FLACC1: variants seen among roughly 807,000 people sequenced by gnomAD.
FLACC1 encodes the protein flagellum-associated coiled-coil domain-containing protein 1.
A neutral mutation model predicts 62.8 loss-of-function variants in FLACC1; 66 were observed. That is an observed-to-expected ratio of 1.05 (90% CI 0.86 to 1.29). The LOEUF (loss-of-function observed/expected upper bound fraction) is 1.29. Among genes scored for constraint, FLACC1 ranks in the 50% most tolerant of loss-of-function variants. The probability of loss-of-function intolerance (pLI) is 0.00; values close to 1 mark genes in which losing one functional copy is unlikely to be tolerated. For synonymous variants in FLACC1, 156 were observed against 161.0 expected, an observed-to-expected ratio of 0.97 and a Z score of 0.24; for missense variants, 452 against 489.1, an observed-to-expected ratio of 0.92 and a Z score of 0.71.
intron 8 of FLACC1, 41 bp from the exon 9 acceptor site, chr2:201,330,563 G>T: frequency 6.3e-7 from 1 of 1,597,104 alleles, no homozygotes; most frequent in South Asian, 1.1e-5. Flanking sequence ...TTAGTCTTCT[G>T]ATATGCACAT....
chr2:201,293,390 A>C lies in FLACC1; in HGVS notation c.943-3605T>G, dbSNP rs539072324. On this transcript the variant is annotated intron_variant, in intron 12 of 14. Transcript: ENST00000392257. ...AACTCACTCAAAACCACACAACTAC[A>C]TGGAAACTGAACAACCTGCTCCTGA... Among the ~76,000 whole-genome samples, 49 of 152,368 alleles carry C rather than the reference A, an allele frequency of 3.2e-4. 2 individuals are homozygous for C. In the South Asian group the frequency reaches 0.01, roughly 32 times the overall value.
chr2:201,344,084 T>G, intron 6 of FLACC1, 86 bp downstream of exon 6: 1 of 1,216,950 alleles, frequency 8.2e-7, no homozygotes, highest in Non-Finnish European at 1.2e-6. Flanking sequence ...AGTAAAGTGC[T>G]TGGCATTTTG....
chr2:201,345,674 T>C (rs1426646631), intron 5 of FLACC1, among the ~76,000 whole-genome samples: 1 of 151,962 alleles, frequency 6.6e-6, no homozygotes, highest in Non-Finnish European at 1.5e-5. Flanking sequence ...AAGGGTAGAA[T>C]GAAAAGATGT....
At chr2:201,290,172 G>C (rs1452968697) in intron 12 of FLACC1, among the ~76,000 whole-genome samples, 1 of 152,182 alleles carries the variant, frequency 6.6e-6, no homozygotes, top group Non-Finnish European at 1.5e-5. Flanking sequence ...CACTTTTAGA[G>C]CAGTGAAACT....
intron 9 of FLACC1, among the ~76,000 whole-genome samples, chr2:201,327,968 C>A (rs922063606): frequency 3.9e-5 from 6 of 152,144 alleles, no homozygotes; most frequent in African/African-American, 1.4e-4. Context: ...CCATAGACTG[C>A]TACTCAGTCA....
intron 11 of FLACC1, among the ~76,000 whole-genome samples, chr2:201,306,230 A>G (rs932855225): frequency 1.4e-4 from 21 of 152,138 alleles, no homozygotes; most frequent in African/African-American, 4.1e-4. Flanking sequence ...AGCTGGAACA[A>G]AAGAAAGAGA....
intron 7 of FLACC1, among the ~76,000 whole-genome samples, chr2:201,331,629 C>G (rs1301927055): frequency 6.6e-6 from 1 of 152,096 alleles, no homozygotes; most frequent in African/African-American, 2.4e-5. Context: ...GGTATGATTC[C>G]AACTATATGA....
intron 12 of FLACC1, among the ~76,000 whole-genome samples, chr2:201,291,915 A>G (rs1410671726): frequency 6.6e-6 from 1 of 152,254 alleles, no homozygotes; most frequent in Non-Finnish European, 1.5e-5. Flanking sequence ...CAACTGGAAG[A>G]AAGGGTATCA....
intron 1 of FLACC1, among the ~76,000 whole-genome samples, chr2:201,352,521 G>A (rs550201499): frequency 6.6e-5 from 10 of 152,168 alleles, no homozygotes; most frequent in Non-Finnish European, 1.5e-4. Flanking sequence ...GATTGCACAA[G>A]GGATGTCCGT....
intron 12 of FLACC1, 136 bp downstream of exon 12, chr2:201,299,102 G>A: frequency 1.2e-6 from 1 of 808,966 alleles, no homozygotes; most frequent in South Asian, 1.9e-5. Context: ...ATTGAATCCA[G>A]TAAACTCAGC....
At position 201,292,134 on chromosome 2, in the gene FLACC1, G is replaced by A. The variant is rs145586960; in HGVS notation, c.943-2349C>T. Among the ~76,000 whole-genome samples the A allele has an allele frequency of 2.1e-3, 322 of 152,278 alleles. 1 individual carries two copies. Among genetic ancestry groups the A allele is most frequent in the African/African-American group, 7.3e-3 (303 of 41,572 alleles). On this transcript the variant is annotated intron_variant, in intron 12 of 14. Coordinates refer to ENST00000392257, the MANE Select transcript of FLACC1 (RefSeq NM_001127391.3). ...ATTATCCAGGAGAACTTCCCCAACC[G>A]AGCAAGGCAGGCCAACAATCAGATT...
At chr2:201,293,109 T>G (rs188512076) in intron 12 of FLACC1, among the ~76,000 whole-genome samples, 2 of 152,206 alleles carry the variant, frequency 1.3e-5, no homozygotes, top group Non-Finnish European at 2.9e-5. Context: ...ATTAGACAGC[T>G]CCACGAGACA....
chr2:201,312,608 GC>G (rs1165614056), intron 9 of FLACC1, among the ~76,000 whole-genome samples: 4 of 152,108 alleles, frequency 2.6e-5, no homozygotes, highest in African/African-American at 9.7e-5. Flanking sequence ...AGTCTAAATA[GC>G]CAAAGCAATC....
intron 1 of FLACC1, among the ~76,000 whole-genome samples, chr2:201,356,430 G>A (rs969113128): frequency 6.6e-6 from 1 of 152,164 alleles, no homozygotes; most frequent in African/African-American, 2.4e-5. Context: ...AAAGTGCTGG[G>A]ATTACAGGTG....
At chr2:201,353,944 T>C (rs1350440305) in intron 1 of FLACC1, among the ~76,000 whole-genome samples, 3 of 152,190 alleles carry the variant, frequency 2.0e-5, no homozygotes, top group African/African-American at 7.2e-5. Flanking sequence ...GCCAAAAATG[T>C]TATAAGAATC....
At chr2:201,303,150 T>C (rs1326202318) in intron 11 of FLACC1, among the ~76,000 whole-genome samples, 1 of 151,868 alleles carries the variant, frequency 6.6e-6, no homozygotes, top group Non-Finnish European at 1.5e-5. Context: ...AGCTGGTTTT[T>C]TGAAAAGATC....
At chr2:201,330,275 T>G (rs1157938445) in intron 9 of FLACC1, among the ~76,000 whole-genome samples, 195 bp downstream of exon 9, 2 of 152,136 alleles carry the variant, frequency 1.3e-5, no homozygotes, top group Non-Finnish European at 2.9e-5. Context: ...TCTTCAGGAT[T>G]TGGGTGCCTG....
chr2:201,303,022 T>C (rs1387383965), intron 11 of FLACC1, among the ~76,000 whole-genome samples: 1 of 151,594 alleles, frequency 6.6e-6, no homozygotes, highest in Non-Finnish European at 1.5e-5. Flanking sequence ...TTAAAAGAAC[T>C]AGACAAGCAA....
At chr2:201,355,483 G>C (rs1047370667) in intron 1 of FLACC1, among the ~76,000 whole-genome samples, 4 of 151,914 alleles carry the variant, frequency 2.6e-5, no homozygotes, top group African/African-American at 4.8e-5. Flanking sequence ...AATGATCTTT[G>C]ATGAATGTGT....
Sources: gnomAD v4.1 joint callset for allele counts (sites outside exome capture counted in the v4.1 genomes callset) on GRCh38, gnomAD v4.1.1 for gene constraint, MANE v1.5 for transcripts, NCBI Gene and HGNC (gene_info 2026-07-23, HGNC 2026-07-21) for gene names.